The following BYSL variants were observed in gnomAD, a reference collection of about 807,000 sequenced individuals.
The protein encoded by BYSL is bystin.
Under a neutral mutation model 45.4 loss-of-function variants are expected in BYSL, and 21 were observed. That is an observed-to-expected ratio of 0.46 (90% confidence interval 0.33 to 0.67). The LOEUF (loss-of-function observed/expected upper bound fraction) is 0.67. Among genes scored for constraint, BYSL ranks in the 30% least tolerant of loss-of-function variants. The probability of loss-of-function intolerance (pLI) is 0.02; values close to 1 mark genes in which losing one functional copy is unlikely to be tolerated. For missense variants in BYSL, 522 were observed against 578.5 expected, an observed-to-expected ratio of 0.90 and a Z score of 1.00; for synonymous variants, 215 against 231.3, an observed-to-expected ratio of 0.93 and a Z score of 0.64.
At chr6:41,922,699 C>T (rs530269426) in intron 1 of BYSL, among the ~76,000 whole-genome samples, 1 of 152,150 alleles carries the variant, frequency 6.6e-6, no homozygotes, top group South Asian at 2.1e-4. Context: ...TGAGTGACTA[C>T]TCCTAACTTT....
the BYSL span, among the ~76,000 whole-genome samples, chr6:41,916,408 C>T: frequency 2.0e-5 from 3 of 151,982 alleles, no homozygotes; most frequent in Non-Finnish European, 4.4e-5. Flanking sequence ...AGAGAAACCC[C>T]ATATCTACCA....
At position 41,926,805 on chromosome 6, in the gene BYSL, CT is replaced by C. The variant is rs1340988179; in HGVS notation, c.269-567del. 4.0e-5 allele frequency among the ~76,000 whole-genome samples: 6 copies of C among 150,956 alleles called. No homozygotes were observed. The East Asian group carries it at 1.0e-3, about 25-fold the overall frequency. On this transcript the variant is annotated intron_variant, in intron 1 of 6. Coordinates refer to ENST00000230340, the MANE Select transcript of BYSL (RefSeq NM_004053.4). ...ACATGGGTATAGTGTTTAGAAGTTC[CT>C]TCTACAGGCCGGGAACAGTGGCTCA... is the stretch of plus-strand genomic sequence containing the variant.
upstream of BYSL, chr6:41,917,476 T>G: frequency 4.3e-6 from 1 of 232,202 alleles, no homozygotes; most frequent in Non-Finnish European, 9.0e-6. Context: ...GTCCAATCTG[T>G]AACTGAATGT....
At chr6:41,930,387 A>G (rs1243961944) in intron 3 of BYSL, 117 bp downstream of exon 3, 33 of 1,396,976 alleles carry the variant, frequency 2.4e-5, no homozygotes, top group Non-Finnish European at 3.2e-5. Flanking sequence ...GGAGTAGAAA[A>G]CAGACCTAAG....
Position 41,930,253 on chromosome 6 carries a change from T to G in BYSL, c.553T>G (p.Tyr185Asp). The change falls in exon 3 of 7, where the codon TAC becomes GAC. Residue 185 changes from tyrosine (Y) to aspartate (D), a missense_variant. Tyr to Asp is a radical substitution (Grantham distance 160). Transcript: ENST00000230340. ...PQLDPRVLEVYRGVREVLSKY... is the reference protein window; with the variant it reads ...PQLDPRVLEVDRGVREVLSKY... ...GCTGGACCCCCGGGTCCTAGAAGTG[T>G]ACAGGGGGGTCCGGGAGGTAAGAGC... 1 of 1,614,054 alleles carries G rather than the reference T, an allele frequency of 6.2e-7. No individual in the cohort carries two copies. The highest frequency in any genetic ancestry group is 1.1e-5 in the South Asian group (1 of 91,070).
upstream of BYSL, chr6:41,917,377 G>A (rs1166556533): frequency 2.3e-5 from 4 of 172,760 alleles, no homozygotes; most frequent in African/African-American, 9.6e-5. Flanking sequence ...TCCAGCCTGG[G>A]CGACAGGGCG....
At chr6:41,922,251 A>G (rs902470140) in intron 1 of BYSL, among the ~76,000 whole-genome samples, 6 of 152,246 alleles carry the variant, frequency 3.9e-5, no homozygotes, top group African/African-American at 9.6e-5. Context: ...ATATATTTCC[A>G]TGATAAAGTA....
upstream of BYSL, among the ~76,000 whole-genome samples, chr6:41,918,486 A>G (rs1173375886): frequency 1.3e-5 from 2 of 149,206 alleles, no homozygotes; most frequent in Non-Finnish European, 3.0e-5. Context: ...CCTGGACAAC[A>G]AGAGCGAAAC....
At chr6:41,913,613 T>G in the BYSL span, among the ~76,000 whole-genome samples, 4 of 152,322 alleles carry the variant, frequency 2.6e-5, no homozygotes, top group South Asian at 8.3e-4. Flanking sequence ...AAATATTACA[T>G]GACAGGCTGG....
At chr6:41,918,803 C>T (rs897590305), upstream of BYSL, among the ~76,000 whole-genome samples, 5 of 150,216 alleles carry the variant, frequency 3.3e-5, no homozygotes, top group Admixed American at 6.6e-5. Flanking sequence ...AAAAATTAGC[C>T]GGGCGCGGTG....
chr6:41,928,612 C>T (rs1251926281), intron 2 of BYSL, among the ~76,000 whole-genome samples: 2 of 152,144 alleles, frequency 1.3e-5, no homozygotes, highest in African/African-American at 4.8e-5. Context: ...AATCAGAACT[C>T]CTGGCAGTCG....
the BYSL span, among the ~76,000 whole-genome samples, chr6:41,912,097 G>T: frequency 6.7e-6 from 1 of 150,246 alleles, no homozygotes; most frequent in Non-Finnish European, 1.5e-5. Flanking sequence ...CACCTAGGCT[G>T]GAGTGTAGTG....
chr6:41,916,301 C>CG, the BYSL span, among the ~76,000 whole-genome samples: 1 of 148,350 alleles, frequency 6.7e-6, no homozygotes, highest in Non-Finnish European at 1.5e-5. Context: ...ATAAAGTGGC[C>CG]GGGCACAGTG....
At position 41,921,538 on chromosome 6, in the gene BYSL, C is replaced by T. The variant is rs556154714; in HGVS notation, c.-25C>T. The T allele has an allele frequency of 2.6e-6, 4 of 1,550,870 alleles. No homozygotes were observed. The highest frequency in any genetic ancestry group is 4.5e-5 in the East Asian group (2 of 44,072). ...CTTTCTTCAGTCCCCACGTGCGATC[C>T]TTCCCGGCAACTTTTTCGAGAAAAA... On this transcript the variant is annotated 5_prime_UTR_variant, in exon 1 of 7. Coordinates refer to ENST00000230340, the MANE Select transcript of BYSL (RefSeq NM_004053.4).
chr6:41,931,930 A>T (rs1775647058), intron 6 of BYSL, 100 bp downstream of exon 6: 2 of 1,200,638 alleles, frequency 1.7e-6, no homozygotes, highest in South Asian at 2.5e-5. Flanking sequence ...AGCTAAGGAA[A>T]GCCTTGGGTT....
At chr6:41,924,094 C>T (rs942573572) in intron 1 of BYSL, among the ~76,000 whole-genome samples, 1 of 150,526 alleles carries the variant, frequency 6.6e-6, no homozygotes, top group African/African-American at 2.5e-5. Flanking sequence ...CAGAGTCTCG[C>T]TCCGTCACCC....
chr6:41,915,710 C>G, the BYSL span, among the ~76,000 whole-genome samples: 1 of 151,598 alleles, frequency 6.6e-6, no homozygotes, highest in Non-Finnish European at 1.5e-5. Context: ...TGGCGTGAAC[C>G]CTGGAGGCGG....
upstream of BYSL, among the ~76,000 whole-genome samples, chr6:41,920,538 T>C (rs542698909): frequency 3.3e-5 from 5 of 152,182 alleles, no homozygotes; most frequent in East Asian, 9.7e-4. Flanking sequence ...TATACAACCA[T>C]TGATAGGTTC....
chr6:41,913,768 C>T, the BYSL span, among the ~76,000 whole-genome samples: 10 of 151,928 alleles, frequency 6.6e-5, no homozygotes, highest in East Asian at 1.9e-4. Flanking sequence ...CGTGGTGGAG[C>T]GCACCTGTAG....
Sources: gnomAD v4.1 joint callset for allele counts (sites outside exome capture counted in the v4.1 genomes callset) on GRCh38, gnomAD v4.1.1 for gene constraint, MANE v1.5 for transcripts, NCBI Gene and HGNC (gene_info 2026-07-23, HGNC 2026-07-21) for gene names.